The following SGCD variants were observed in gnomAD, a reference collection of about 807,000 sequenced individuals.
SGCD encodes the protein delta-sarcoglycan.
SGCD carries 18 observed loss-of-function variants against 36.6 expected under a neutral mutation model. The ratio of observed to expected loss-of-function variants is 0.49; its 90% CI spans 0.34 to 0.73. The LOEUF (loss-of-function observed/expected upper bound fraction) is 0.73, where lower values mean the gene tolerates loss of function less well. SGCD is among the 30% of genes least tolerant of loss of function. The probability of loss-of-function intolerance (pLI) is 0.01; values close to 1 mark genes in which losing one functional copy is unlikely to be tolerated. For synonymous variants in SGCD, 133 were observed against 130.6 expected, an observed-to-expected ratio of 1.02 and a Z score of -0.12; for missense variants, 387 against 346.7, an observed-to-expected ratio of 1.12 and a Z score of -0.92.
intron 3 of SGCD, among the ~76,000 whole-genome samples, chr5:156,289,243 TAA>T (rs1766695642): frequency 6.6e-6 from 1 of 152,168 alleles, no homozygotes; most frequent in South Asian, 2.1e-4. Context: ...TAACATCATA[TAA>T]TTAGTTGGCT....
the SGCD span, among the ~76,000 whole-genome samples, chr5:155,781,188 T>G: frequency 2.6e-5 from 4 of 152,114 alleles, no homozygotes; most frequent in Non-Finnish European, 5.9e-5. Context: ...GTTTCTTAGG[T>G]TTTAGGAAAT....
chr5:155,902,719 C>T (rs1324786691), intron 1 of SGCD, among the ~76,000 whole-genome samples: 1 of 152,116 alleles, frequency 6.6e-6, no homozygotes, highest in Non-Finnish European at 1.5e-5. Flanking sequence ...GGTAATTTAG[C>T]GTAGTGCTTG....
chr5:156,326,612 GTAGGGAGAT>G (rs1472620315), upstream of SGCD: 1 of 152,228 alleles, frequency 6.6e-6, no homozygotes, highest in Non-Finnish European at 1.5e-5. Context: ...GAAGCGGCAG[GTAGGGAGAT>G]CAAATTAGAA....
intron 6 of SGCD, among the ~76,000 whole-genome samples, chr5:156,625,251 A>C (rs1239856149): frequency 6.6e-6 from 1 of 152,150 alleles, no homozygotes; most frequent in Non-Finnish European, 1.5e-5. Context: ...TTGTCAAGCT[A>C]TTGGAACTAC....
the SGCD span, among the ~76,000 whole-genome samples, chr5:155,836,085 T>C: frequency 3.7e-3 from 561 of 152,304 alleles, 3 homozygotes; most frequent in Non-Finnish European, 5.2e-3. Context: ...GCAAAATTAT[T>C]TCAAGTTTCA....
At chr5:156,169,823 G>A (rs141717165) in intron 3 of SGCD, among the ~76,000 whole-genome samples, 358 of 152,260 alleles carry the variant, frequency 2.4e-3, no homozygotes, top group South Asian at 5.4e-3. Flanking sequence ...AGGCTAGTGT[G>A]GTTGGAACTC....
rs1764942419 is a variant in SGCD, at chr5:156,229,277, C to CATACATATATATATATATATATATAT, written c.-43-100254_-43-100253insCATATATATATATATATATATATATA. Among the ~76,000 whole-genome samples, 72 of 56,436 alleles carry CATACATATATATATATATATATATAT rather than the reference C, an allele frequency of 1.3e-3. 4 individuals carry two copies. Among genetic ancestry groups the CATACATATATATATATATATATATAT allele is most frequent in the African/African-American group, 5.5e-3 (69 of 12,448 alleles). 37.0% of individuals were successfully genotyped at this position (56,436 alleles called of 152,430 possible). On this transcript the variant is annotated intron_variant, in intron 3 of 9. Transcript: ENST00000517913. Reference sequence around the variant, plus strand: ...ACATACATACATATATATATACATACATATATATATATATATATATATAAA... The same window carrying CATACATATATATATATATATATATAT: ...ACATACATACATATATATATACATACATACATATATATATATATATATATATATATATATATATATATATATATAAA...
At chr5:155,786,326 C>A in the SGCD span, among the ~76,000 whole-genome samples, 1 of 152,074 alleles carries the variant, frequency 6.6e-6, no homozygotes, top group South Asian at 2.1e-4. Flanking sequence ...TGGCACCAGC[C>A]CCAGGCAGAA....
At chr5:156,616,492 G>T (rs1460845112) in intron 6 of SGCD, among the ~76,000 whole-genome samples, 1 of 152,210 alleles carries the variant, frequency 6.6e-6, no homozygotes, top group Non-Finnish European at 1.5e-5. Flanking sequence ...AATCATGATG[G>T]TTGGATGGTT....
At chr5:156,231,790 C>G (rs1176284110) in intron 3 of SGCD, among the ~76,000 whole-genome samples, 1 of 152,116 alleles carries the variant, frequency 6.6e-6, no homozygotes, top group East Asian at 1.9e-4. Context: ...GAGTAGGACT[C>G]ATGTATAACA....
chr5:156,367,623 G>C (rs1236657494), intron 3 of SGCD, among the ~76,000 whole-genome samples: 1 of 151,430 alleles, frequency 6.6e-6, no homozygotes, highest in Non-Finnish European at 1.5e-5. Flanking sequence ...GACCCTGAAG[G>C]GATGTTGACA....
intron 6 of SGCD, among the ~76,000 whole-genome samples, chr5:156,609,517 T>C (rs899702603): frequency 2.6e-5 from 4 of 152,228 alleles, no homozygotes; most frequent in African/African-American, 9.7e-5. Flanking sequence ...CTGACAATTA[T>C]GTGTCTTGGA....
chr5:156,696,915 A>AACACAC (rs57963416), intron 7 of SGCD, among the ~76,000 whole-genome samples: 146 of 145,170 alleles, frequency 1.0e-3, no homozygotes, highest in Middle Eastern at 3.5e-3. Context: ...CCTTACACAC[A>AACACAC]ACACACACAC....
In SGCD at chr5:156,016,244, T is replaced by G. The variant is rs1008231364; in HGVS notation, c.-281-101634T>G. Among the ~76,000 whole-genome samples, 7 of 152,104 alleles carry G rather than the reference T, an allele frequency of 4.6e-5. No homozygotes were observed. In the East Asian group the frequency reaches 1.3e-3, roughly 29 times the overall value. On this transcript the variant is annotated intron_variant, in intron 1 of 9. Coordinates refer to the SGCD transcript ENST00000517913. ...AAAAAGTTCAAGATTTCATTTCAAT[T>G]TTTTTTCCACTAGACTGAAGATATT...
upstream of SGCD, among the ~76,000 whole-genome samples, chr5:156,322,893 G>A (rs1299014412): frequency 6.6e-6 from 1 of 152,200 alleles, no homozygotes; most frequent in Non-Finnish European, 1.5e-5. Context: ...TCAGATTTAT[G>A]TTTTAAAAGA....
At chr5:155,751,991 T>C in the SGCD span, among the ~76,000 whole-genome samples, 6 of 152,088 alleles carry the variant, frequency 3.9e-5, no homozygotes, top group Admixed American at 3.9e-4. Context: ...AGTGACCTTC[T>C]GTACTGGGAT....
At chr5:156,706,699 C>T (rs1260871895) in intron 7 of SGCD, among the ~76,000 whole-genome samples, 1 of 152,140 alleles carries the variant, frequency 6.6e-6, no homozygotes, top group Non-Finnish European at 1.5e-5. Flanking sequence ...AATCAATAGT[C>T]TGCTCCTCCC....
chr5:155,985,058 GAC>G (rs1758303245), intron 1 of SGCD, among the ~76,000 whole-genome samples: 1 of 152,166 alleles, frequency 6.6e-6, no homozygotes, highest in Non-Finnish European at 1.5e-5. Context: ...AAACTTTAAT[GAC>G]CCTGGGTTAA....
At chr5:155,860,319 C>A in the SGCD span, among the ~76,000 whole-genome samples, 1 of 152,206 alleles carries the variant, frequency 6.6e-6, no homozygotes, top group Non-Finnish European at 1.5e-5. Flanking sequence ...TTTTAACTGA[C>A]AATCCTGACA....
Sources: allele counts gnomAD v4.1 joint callset (sites outside exome capture counted in the v4.1 genomes callset), GRCh38; gene constraint gnomAD v4.1.1; transcripts MANE v1.5; gene names NCBI Gene and HGNC (gene_info 2026-07-23, HGNC 2026-07-21).